CPED1: variants seen among roughly 807,000 people sequenced by gnomAD.
CPED1 encodes the protein cadherin-like and PC-esterase domain-containing protein 1.
Under a neutral mutation model 128.2 loss-of-function variants are expected in CPED1, and 114 were observed. The observed-to-expected ratio is 0.89, with a 90% confidence interval of 0.76 to 1.04. CPED1 has a LOEUF of 1.04. CPED1 is among the 50% of genes least tolerant of loss of function. The pLI, the probability that CPED1 is intolerant of heterozygous loss-of-function variation, is 0.00. For missense variants in CPED1, 1,211 were observed against 1,207.1 expected (o/e 1.00, Z -0.05); for synonymous variants, 462 against 426.7 (o/e 1.08, Z -1.02).
At chr7:121,090,391 A>C (rs1794543431) in intron 5 of CPED1, among the ~76,000 whole-genome samples, 1 of 152,170 alleles carries the variant, frequency 6.6e-6, no homozygotes, top group Admixed American at 6.5e-5. Context: ...GAAATACCAT[A>C]CTATTCGTAT....
At chr7:121,203,921 C>T (rs567926561) in intron 16 of CPED1, among the ~76,000 whole-genome samples, 9 of 152,158 alleles carry the variant, frequency 5.9e-5, no homozygotes, top group South Asian at 2.1e-4. Context: ...GGGCTGTCCA[C>T]GCAAAGGGCC....
intron 16 of CPED1, among the ~76,000 whole-genome samples, chr7:121,176,322 A>G (rs543531917): frequency 1.3e-5 from 2 of 152,020 alleles, no homozygotes; most frequent in East Asian, 1.9e-4. Context: ...ACAAAGTTGC[A>G]ACATTAATAG....
Position 121,142,005 on chromosome 7 carries a change from AC to A in CPED1, c.1920del (p.Asn640LysfsTer18). The A allele has an allele frequency of 6.2e-7, 1 of 1,612,676 alleles. No individual in the cohort carries two copies. Among genetic ancestry groups the A allele is most frequent in the Non-Finnish European group, 8.5e-7 (1 of 1,179,030 alleles). On this transcript the variant is annotated frameshift_variant, in exon 16 of 23. Transcript: ENST00000310396. LOFTEE classifies it high-confidence loss of function. ...FASYPLGLGM[N>X]KISIFVVDES... ...AGCTACCCTCTGGGCTTAGGAATGAACAAAATCTCAATATTTGTTGTGGATG... is the reference window on the plus strand; with the variant it reads ...AGCTACCCTCTGGGCTTAGGAATGAAAAAATCTCAATATTTGTTGTGGATG...
At position 120,988,769 on chromosome 7, in the gene CPED1, G is replaced by C. The variant is rs865941663; in HGVS notation, c.-375G>C. 6 of 151,900 alleles carry C rather than the reference G, an allele frequency of 3.9e-5. No homozygotes were observed. The highest frequency in any genetic ancestry group is 1.5e-4 in the African/African-American group (6 of 41,352). The allele number at this position is 151,900 out of a possible 1,614,324, so 9.4% of individuals were successfully genotyped here. A position where few individuals can be genotyped will look rare whatever the true frequency, so the allele number is the denominator to read the frequency against. On this transcript the variant is annotated 5_prime_UTR_variant, in exon 1 of 23. Transcript: ENST00000310396. ...CGCGTGTGTTTATGTGTCTGTGTGC[G>C]TGTGTGTGTGTGTCTCTCTCTGTGT...
chr7:121,240,473 T>C (rs1292023662), intron 17 of CPED1, among the ~76,000 whole-genome samples: 4 of 152,138 alleles, frequency 2.6e-5, no homozygotes, highest in Admixed American at 6.5e-5. Context: ...AAATTAACAA[T>C]CTTTGCTTAA....
chr7:121,221,663 G>A (rs1797882171), intron 16 of CPED1, among the ~76,000 whole-genome samples: 1 of 150,614 alleles, frequency 6.6e-6, no homozygotes, highest in Admixed American at 6.7e-5. Flanking sequence ...ATTCTAATTG[G>A]CCTGAGATGG....
At chr7:121,002,663 G>C (rs549686081) in intron 2 of CPED1, among the ~76,000 whole-genome samples, 1 of 138,600 alleles carries the variant, frequency 7.2e-6, no homozygotes, top group Admixed American at 6.8e-5. Flanking sequence ...AGTGTACTAT[G>C]TTTCTTTTAA....
intron 22 of CPED1, among the ~76,000 whole-genome samples, chr7:121,289,482 A>G (rs142785891): frequency 6.6e-6 from 1 of 152,178 alleles, no homozygotes; most frequent in Non-Finnish European, 1.5e-5. Flanking sequence ...CAGATTTCCT[A>G]TTCAAATAAC....
intron 16 of CPED1, among the ~76,000 whole-genome samples, chr7:121,197,446 A>G (rs1446218081): frequency 6.6e-6 from 1 of 152,168 alleles, no homozygotes; most frequent in Non-Finnish European, 1.5e-5. Flanking sequence ...CACTTTACAG[A>G]AACTCATTTA....
rs1383809000 is a variant in CPED1, at chr7:121,219,641, G to A, written c.2056-17073G>A. 3.9e-5 allele frequency among the ~76,000 whole-genome samples: 6 copies of A among 152,036 alleles called. No homozygotes were observed. The East Asian group carries it at 1.2e-3, about 30-fold the overall frequency. On this transcript the variant is annotated intron_variant, in intron 16 of 22. Coordinates refer to ENST00000310396, the MANE Select transcript of CPED1 (RefSeq NM_024913.5). ...AATAGCCACTTTTCAGCTGATATAT[G>A]TTTAGGGAAGAAACACACAACTGTG...
chr7:120,991,490 T>C (rs1683613337), intron 2 of CPED1, among the ~76,000 whole-genome samples: 1 of 152,216 alleles, frequency 6.6e-6, no homozygotes, highest in South Asian at 2.1e-4. Context: ...TCTTAAAAAA[T>C]AGTTGAGATA....
chr7:121,090,768 G>A (rs6956201), intron 5 of CPED1, among the ~76,000 whole-genome samples: 43,834 of 151,984 alleles, frequency 0.29, 6,754 homozygotes, highest in Middle Eastern at 0.39. Context: ...GGCCAACATG[G>A]TGAAACCCTG....
intron 12 of CPED1, among the ~76,000 whole-genome samples, chr7:121,131,953 G>A (rs1185576901): frequency 2.8e-5 from 4 of 142,396 alleles, no homozygotes; most frequent in African/African-American, 1.0e-4. Flanking sequence ...CTTCTATAGT[G>A]GGGGTAATGT....
chr7:121,020,869 T>G (rs1004911555), intron 3 of CPED1, among the ~76,000 whole-genome samples: 13 of 151,900 alleles, frequency 8.6e-5, no homozygotes, highest in African/African-American at 3.1e-4. Context: ...AAGGGAGTAT[T>G]GAGTAAACAA....
rs375948207 is a variant in CPED1 at position 121,081,236 on chromosome 7, CTA to C, written c.617-16460_617-16459del. Among the ~76,000 whole-genome samples, 46 of 152,274 alleles carry C rather than the reference CTA, an allele frequency of 3.0e-4. 1 individual carries two copies. Among genetic ancestry groups the C allele is most frequent in the African/African-American group, 1.1e-3 (46 of 41,562 alleles). ...GACTCAAAATGAGAGTTGCAGCAAA[CTA>C]TAAACGAAGTGCAATACATTCGTTT... On this transcript the variant is annotated intron_variant, in intron 5 of 22. Coordinates refer to ENST00000310396, the MANE Select transcript of CPED1 (RefSeq NM_024913.5).
rs1010372698 is a variant in CPED1 at position 121,266,443 on chromosome 7, C to G, written c.2527C>G (p.Gln843Glu). Residue 843 changes from glutamine to glutamate, a missense_variant, in exon 19 of 23, where the codon CAA becomes GAA. Gln to Glu is a conservative substitution (Grantham distance 29). Coordinates refer to ENST00000310396, the MANE Select transcript of CPED1 (RefSeq NM_024913.5). ...TFENALEHLLQRSRPLENTGQ... is the reference protein window; with the variant it reads ...TFENALEHLLERSRPLENTGQ... ...TGAAAATGCACTTGAACACCTCTTG[C>G]AAAGGTACAATGAAACTATAATGAA... 2 of 1,608,906 alleles carry G rather than the reference C, an allele frequency of 1.2e-6. No individual in the cohort carries two copies. Among genetic ancestry groups the G allele is most frequent in the African/African-American group, 2.7e-5 (2 of 74,728 alleles).
At position 121,124,593 on chromosome 7, in the gene CPED1, T is replaced by A. The variant is rs16870557; in HGVS notation, c.1061+120T>A. On this transcript the variant is annotated intron_variant, in intron 8 of 22. Transcript: ENST00000310396. ...AGTAGGTGGTACTTGGAAAATTTTA[T>A]GTCAATATACAAACATGATCTTCTA... 3.4e-3 allele frequency: 2,260 copies of A among 666,536 alleles called. 41 individuals carry two copies. The African/African-American group carries it at 0.034, about 10-fold the overall frequency. 41.3% of individuals were successfully genotyped at this position (666,536 alleles called of 1,614,324 possible).
chr7:121,292,406 G>T (rs974211046), intron 22 of CPED1, among the ~76,000 whole-genome samples: 3 of 151,810 alleles, frequency 2.0e-5, no homozygotes, highest in African/African-American at 7.3e-5. Flanking sequence ...ATTTTAGTTA[G>T]CAGTTCCTGT....
chr7:121,181,597 G>T, intron 16 of CPED1, among the ~76,000 whole-genome samples: 1 of 151,916 alleles, frequency 6.6e-6, no homozygotes, highest in East Asian at 1.9e-4. Flanking sequence ...TCTAAGAGAT[G>T]GTCATCATTT....
Sources: allele counts gnomAD v4.1 joint callset (sites outside exome capture counted in the v4.1 genomes callset), GRCh38; gene constraint gnomAD v4.1.1; transcripts MANE v1.5; gene names NCBI Gene and HGNC (gene_info 2026-07-23, HGNC 2026-07-21).